The following TPST1 variants were observed in gnomAD, a reference collection of about 807,000 sequenced individuals.
TPST1 encodes tyrosylprotein sulfotransferase 1, also known as protein-tyrosine sulfotransferase 1.
TPST1 carries 20 observed loss-of-function variants against 34.8 expected under a neutral mutation model. The ratio of observed to expected loss-of-function variants is 0.57; its 90% CI spans 0.40 to 0.84. The LOEUF (loss-of-function observed/expected upper bound fraction) is 0.84. TPST1 is among the 40% of genes least tolerant of loss of function. The probability of loss-of-function intolerance (pLI) is 0.00; values close to 1 mark genes in which losing one functional copy is unlikely to be tolerated. For synonymous variants in TPST1, 152 were observed against 159.4 expected (o/e 0.95, Z 0.35); for missense variants, 353 against 455.5 (o/e 0.78, Z 2.05).
At chr7:66,200,173 T>G in the TPST1 span, among the ~76,000 whole-genome samples, 8 of 152,146 alleles carry the variant, frequency 5.3e-5, no homozygotes, top group Non-Finnish European at 1.2e-4. Context: ...GTTGCTGTAG[T>G]AAGGAGTCCT....
At chr7:66,275,010 C>T (rs764718912) in intron 2 of TPST1, among the ~76,000 whole-genome samples, 1 of 151,874 alleles carries the variant, frequency 6.6e-6, no homozygotes, top group Non-Finnish European at 1.5e-5. Flanking sequence ...CTGGCTAACA[C>T]GGTGAAACCC....
intron 1 of TPST1, among the ~76,000 whole-genome samples, chr7:66,234,965 G>A (rs1789881426): frequency 6.6e-6 from 1 of 152,194 alleles, no homozygotes; most frequent in South Asian, 2.1e-4. Context: ...GAGCCTCCGC[G>A]CCCAGCCGGA....
chr7:66,287,582 G>A (rs1266083747), intron 3 of TPST1, among the ~76,000 whole-genome samples: 1 of 103,082 alleles, frequency 9.7e-6, no homozygotes, highest in African/African-American at 4.3e-5. Context: ...TAGTGGTTTT[G>A]ATTTGCATTT....
chr7:66,299,391 T>G (rs561976133), intron 3 of TPST1, among the ~76,000 whole-genome samples: 1 of 151,862 alleles, frequency 6.6e-6, no homozygotes, highest in Non-Finnish European at 1.5e-5. Flanking sequence ...CTATTGGTCG[T>G]TTTGTATTTT....
chr7:66,311,241 C>A (rs1791526802), intron 3 of TPST1, among the ~76,000 whole-genome samples: 1 of 151,928 alleles, frequency 6.6e-6, no homozygotes, highest in South Asian at 2.1e-4. Flanking sequence ...TGGGCTCAAG[C>A]CATCCTCCCA....
intron 2 of TPST1, among the ~76,000 whole-genome samples, chr7:66,279,467 A>G (rs1380333933): frequency 6.6e-6 from 1 of 152,202 alleles, no homozygotes; most frequent in African/African-American, 2.4e-5. Context: ...TACTGGGTCT[A>G]ATGGTAGTTC....
Position 66,360,322 on chromosome 7 carries a change from A to C in TPST1, c.*457A>C, listed in dbSNP as rs3757418. 5.5e-4 allele frequency: 85 copies of C among 155,402 alleles called. 1 individual carries two copies. The East Asian group carries it at 0.015, about 28-fold the overall frequency. The allele number at this position is 155,402 out of a possible 1,614,324, so 9.6% of individuals were successfully genotyped here. On this transcript the variant is annotated 3_prime_UTR_variant, in exon 6 of 6. Transcript: ENST00000304842. ...AAGTGTATTGATGTGAATAATATTAAATATCCTAATTATTTAATTCATTGT... is the reference window on the plus strand; with the variant it reads ...AAGTGTATTGATGTGAATAATATTACATATCCTAATTATTTAATTCATTGT...
rs546339747 is a variant in TPST1, at chr7:66,227,028, C to CTTTTT, written c.-101-13278_-101-13274dup. ...TTGGTGTTGGATGCCTTAAAATAAG[C>CTTTTT]TTTTTTTTTTTTTTTTTTTTTTTGA... On this transcript the variant is annotated intron_variant, in intron 1 of 5. Transcript: ENST00000304842. Among the ~76,000 whole-genome samples the CTTTTT allele has an allele frequency of 1.1e-3, 77 of 69,200 alleles. 14 individuals carry two copies. Among genetic ancestry groups the CTTTTT allele is most frequent in the East Asian group, 4.0e-3 (9 of 2,248 alleles). 45.4% of individuals were successfully genotyped at this position (69,200 alleles called of 152,430 possible).
At chr7:66,315,346 G>A (rs974760727) in intron 3 of TPST1, among the ~76,000 whole-genome samples, 1 of 152,236 alleles carries the variant, frequency 6.6e-6, no homozygotes, top group African/African-American at 2.4e-5. Context: ...TACAGGTGCT[G>A]TGTCTCTAGA....
Position 66,356,977 on chromosome 7 carries a change from G to A in TPST1, c.*29+106G>A, listed in dbSNP as rs1348568111. ...CACAGCTCTGGAGTCCGTCTGCCAG[G>A]GTTGGAATCCTGCCTCTTCACTTTC... is the stretch of plus-strand genomic sequence containing the variant. On this transcript the variant is annotated intron_variant, in intron 5 of 5. Transcript: ENST00000304842. 33 of 1,104,282 alleles carry A rather than the reference G, an allele frequency of 3.0e-5. No individual in the cohort carries two copies. The East Asian group carries it at 7.9e-4, about 26-fold the overall frequency. The allele number at this position is 1,104,282 out of a possible 1,614,324, so 68.4% of individuals were successfully genotyped here.
At chr7:66,271,887 C>CA (rs1278656422) in intron 2 of TPST1, among the ~76,000 whole-genome samples, 2 of 151,846 alleles carry the variant, frequency 1.3e-5, no homozygotes, top group African/African-American at 4.8e-5. Context: ...AGAGAATACG[C>CA]AACAGATTAT....
intron 2 of TPST1, among the ~76,000 whole-genome samples, chr7:66,273,564 G>A (rs1179710946): frequency 6.6e-6 from 1 of 152,108 alleles, no homozygotes; most frequent in African/African-American, 2.4e-5. Context: ...CATGGTACTG[G>A]CATAAAAACA....
At chr7:66,310,501 A>G (rs114496106) in intron 3 of TPST1, among the ~76,000 whole-genome samples, 2,014 of 152,168 alleles carry the variant, frequency 0.013, 42 homozygotes, top group African/African-American at 0.046. Flanking sequence ...GTTCACTGCA[A>G]ATGGGGTCGT....
intron 1 of TPST1, among the ~76,000 whole-genome samples, chr7:66,206,171 C>A (rs1372669932): frequency 6.9e-6 from 1 of 145,842 alleles, no homozygotes; most frequent in African/African-American, 2.6e-5. Flanking sequence ...GTTGCCCAGG[C>A]TGGCTTCGAA....
chr7:66,316,232 GT>G (rs1368517993), intron 3 of TPST1, among the ~76,000 whole-genome samples: 1 of 151,814 alleles, frequency 6.6e-6, no homozygotes, highest in Non-Finnish European at 1.5e-5. Context: ...GTTTTTAAGG[GT>G]TTTCTAAGTT....
intron 3 of TPST1, among the ~76,000 whole-genome samples, chr7:66,306,799 C>G (rs535780764): frequency 6.6e-6 from 1 of 152,060 alleles, no homozygotes; most frequent in Admixed American, 6.5e-5. Flanking sequence ...TGAAACCTCC[C>G]CCTCCCGGGT....
intron 3 of TPST1, among the ~76,000 whole-genome samples, chr7:66,330,912 C>A (rs1469408406): frequency 6.6e-6 from 1 of 152,184 alleles, no homozygotes; most frequent in African/African-American, 2.4e-5. Context: ...TGGCTTAAAT[C>A]AACAAACGTG....
chr7:66,304,778 A>G (rs1791387809), intron 3 of TPST1, among the ~76,000 whole-genome samples: 1 of 151,632 alleles, frequency 6.6e-6, no homozygotes, highest in Non-Finnish European at 1.5e-5. Context: ...CCTCTTTGAT[A>G]TCCTAAAACT....
At chr7:66,283,124 A>G (rs1584205864) in intron 2 of TPST1, among the ~76,000 whole-genome samples, 1 of 152,200 alleles carries the variant, frequency 6.6e-6, no homozygotes, top group East Asian at 1.9e-4. Flanking sequence ...TTAACTGGGT[A>G]TGGTGGTGGC....
Sources: allele counts gnomAD v4.1 joint callset (sites outside exome capture counted in the v4.1 genomes callset), GRCh38; gene constraint gnomAD v4.1.1; transcripts MANE v1.5; gene names NCBI Gene and HGNC (gene_info 2026-07-23, HGNC 2026-07-21).